RBFOX1: variants seen among roughly 807,000 people sequenced by gnomAD.
The protein encoded by RBFOX1 is RNA binding fox-1 homolog 1, also known as RNA binding protein fox-1 homolog 1.
Under a neutral mutation model 57.7 loss-of-function variants are expected in RBFOX1, and 8 were observed. The ratio of observed to expected loss-of-function variants is 0.14; its 90% CI spans 0.08 to 0.25. The LOEUF (loss-of-function observed/expected upper bound fraction) is 0.25. Among genes scored for constraint, RBFOX1 ranks in the 10% least tolerant of loss-of-function variants. RBFOX1 has a pLI of 1.00. For synonymous variants in RBFOX1, 326 were observed against 222.4 expected (o/e 1.47, Z -4.15); for missense variants, 611 against 548.5 (o/e 1.11, Z -1.14).
chr16:6,932,401 C>G (rs766578010), intron 3 of RBFOX1, among the ~76,000 whole-genome samples: 23 of 152,168 alleles, frequency 1.5e-4, no homozygotes, highest in Non-Finnish European at 2.4e-4. Flanking sequence ...GCCACCATGC[C>G]CAGCCCAGAT....
At chr16:6,688,307 C>CT (rs2059736007) in intron 3 of RBFOX1, among the ~76,000 whole-genome samples, 1 of 152,104 alleles carries the variant, frequency 6.6e-6, no homozygotes, top group African/African-American at 2.4e-5. Flanking sequence ...TGAGACAGCA[C>CT]TAGGGAGATG....
intron 3 of RBFOX1, among the ~76,000 whole-genome samples, chr16:5,702,897 G>T (rs1242485164): frequency 6.6e-6 from 1 of 152,152 alleles, no homozygotes; most frequent in Non-Finnish European, 1.5e-5. Context: ...ATGGGGAATA[G>T]GGGATACTTT....
At chr16:6,101,217 C>G (rs2096303592) in intron 1 of RBFOX1, among the ~76,000 whole-genome samples, 1 of 152,224 alleles carries the variant, frequency 6.6e-6, no homozygotes, top group South Asian at 2.1e-4. Flanking sequence ...GACCCACTCT[C>G]TCACTTTCCC....
At chr16:7,701,226 C>G (rs929655781) in intron 14 of RBFOX1, among the ~76,000 whole-genome samples, 1 of 152,134 alleles carries the variant, frequency 6.6e-6, no homozygotes, top group African/African-American at 2.4e-5. Flanking sequence ...CTAGTTTTAT[C>G]ATTTTTGGAG....
intron 4 of RBFOX1, among the ~76,000 whole-genome samples, chr16:7,088,145 G>A (rs939680567): frequency 6.6e-6 from 1 of 152,160 alleles, no homozygotes; most frequent in African/African-American, 2.4e-5. Flanking sequence ...TGTGTATGGG[G>A]TTTGGGGGGA....
intron 3 of RBFOX1, among the ~76,000 whole-genome samples, chr16:6,958,844 T>A (rs1192101043): frequency 6.6e-6 from 1 of 152,162 alleles, no homozygotes; most frequent in Non-Finnish European, 1.5e-5. Flanking sequence ...CATTGCTGAT[T>A]TTCAAGGAGG....
intron 3 of RBFOX1, among the ~76,000 whole-genome samples, chr16:6,801,723 A>G (rs2154258204): frequency 6.6e-6 from 1 of 152,120 alleles, no homozygotes; most frequent in South Asian, 2.1e-4. Context: ...ACTGGGGAGG[A>G]AGAGAGTTTT....
intron 3 of RBFOX1, among the ~76,000 whole-genome samples, chr16:5,833,435 C>T (rs1010785907): frequency 6.6e-6 from 1 of 150,440 alleles, no homozygotes; most frequent in Non-Finnish European, 1.5e-5. Flanking sequence ...GCGGAGCTTG[C>T]CGTGAGCCAA....
At chr16:7,437,143 A>G (rs1448663083) in intron 4 of RBFOX1, among the ~76,000 whole-genome samples, 1 of 152,134 alleles carries the variant, frequency 6.6e-6, no homozygotes, top group East Asian at 1.9e-4. Context: ...CTGATTTGCC[A>G]TAGGATCGTT....
chr16:7,189,712 G>A (rs1000058884), intron 4 of RBFOX1, among the ~76,000 whole-genome samples: 14 of 152,172 alleles, frequency 9.2e-5, no homozygotes, highest in African/African-American at 3.1e-4. Flanking sequence ...AATTACTGAT[G>A]GGGTCTAGGT....
At chr16:7,239,455 T>C (rs1024404047) in intron 4 of RBFOX1, among the ~76,000 whole-genome samples, 1 of 152,136 alleles carries the variant, frequency 6.6e-6, no homozygotes, top group Non-Finnish European at 1.5e-5. Context: ...GCCTAGATCG[T>C]GCCACTGCAC....
intron 1 of RBFOX1, among the ~76,000 whole-genome samples, chr16:6,235,257 G>A (rs1447256785): frequency 6.6e-6 from 1 of 151,908 alleles, no homozygotes; most frequent in African/African-American, 2.4e-5. Flanking sequence ...ATCTCGGAAG[G>A]CCTAACTCCC....
At chr16:6,780,530 TTA>T (rs1449261154) in intron 3 of RBFOX1, among the ~76,000 whole-genome samples, 1 of 125,682 alleles carries the variant, frequency 8.0e-6, no homozygotes, top group African/African-American at 3.2e-5. Flanking sequence ...TTATATATAT[TTA>T]TATATACATT....
intron 4 of RBFOX1, among the ~76,000 whole-genome samples, chr16:7,352,151 T>G (rs965262628): frequency 6.6e-6 from 1 of 152,178 alleles, no homozygotes; most frequent in African/African-American, 2.4e-5. Context: ...CTAAAGGATC[T>G]CTGCTCCAGA....
rs185617568 is a variant in RBFOX1, at chr16:6,832,275, T to C, written c.-16+177625T>C. Among the ~76,000 whole-genome samples the C allele has an allele frequency of 8.3e-3, 1,260 of 152,310 alleles. 17 individuals carry two copies. The highest frequency in any genetic ancestry group is 0.012 in the Non-Finnish European group (790 of 68,032). ...TGGGATTTATCTTGAAAAGAGCAAT[T>C]GCTGACATATGTCACATGTCATTAC... is the stretch of plus-strand genomic sequence containing the variant. On this transcript the variant is annotated intron_variant, in intron 3 of 15. Coordinates refer to ENST00000550418, the MANE Select transcript of RBFOX1 (RefSeq NM_018723.4).
At chr16:5,266,694 A>G (rs1275702432) in intron 1 of RBFOX1, among the ~76,000 whole-genome samples, 1 of 151,744 alleles carries the variant, frequency 6.6e-6, no homozygotes, top group Non-Finnish European at 1.5e-5. Context: ...GACTACAGGC[A>G]TGTGCCACCA....
At chr16:7,692,992 T>C (rs1438959715) in intron 14 of RBFOX1, among the ~76,000 whole-genome samples, 1 of 152,192 alleles carries the variant, frequency 6.6e-6, no homozygotes, top group African/African-American at 2.4e-5. Flanking sequence ...GTAATCTCTT[T>C]AGCATAGAAA....
chr16:6,497,126 T>G (rs2095793586), intron 2 of RBFOX1, among the ~76,000 whole-genome samples: 1 of 152,132 alleles, frequency 6.6e-6, no homozygotes, highest in Non-Finnish European at 1.5e-5. Flanking sequence ...AGAAGGTAAT[T>G]AACCAAATAT....
intron 3 of RBFOX1, among the ~76,000 whole-genome samples, chr16:6,797,414 GAGAT>G (rs574194945): frequency 1.4e-4 from 21 of 152,222 alleles, no homozygotes; most frequent in Non-Finnish European, 2.5e-4. Context: ...AAGGGGGAGA[GAGAT>G]AGAGTTGCTT....
Sources: allele counts gnomAD v4.1 joint callset (sites outside exome capture counted in the v4.1 genomes callset), GRCh38; gene constraint gnomAD v4.1.1; transcripts MANE v1.5; gene names NCBI Gene and HGNC (gene_info 2026-07-23, HGNC 2026-07-21).